Variants in GLIS1 observed in about 807,000 individuals in gnomAD.
GLIS1 encodes GLIS family zinc finger 1.
In GLIS1, 24 loss-of-function variants were observed where a neutral mutation model predicts 63.8. The observed-to-expected ratio is 0.38, with a 90% confidence interval of 0.27 to 0.53. The LOEUF is 0.53. Ranked by LOEUF, GLIS1 falls within the 20% of genes least tolerant of loss-of-function variation. The pLI, the probability that GLIS1 is intolerant of heterozygous loss-of-function variation, is 0.85. For missense variants in GLIS1, 1,036 were observed against 1,074.1 expected (o/e 0.96, Z 0.50); for synonymous variants, 450 against 482.5 (o/e 0.93, Z 0.88).
At position 53,636,744 on chromosome 1, in the gene GLIS1, C is replaced by T. The variant is rs146382497; in HGVS notation, c.260-36466G>A. On this transcript the variant is annotated intron_variant, in intron 2 of 10. Coordinates refer to ENST00000628545, the MANE Select transcript of GLIS1 (RefSeq NM_001367484.1). ...TCTTCAGTCTACCTGCTCCCTCACT[C>T]AGTCACTCGGCGACGCCTACTGGGC... Among the ~76,000 whole-genome samples, 18 of 152,352 alleles carry T rather than the reference C, an allele frequency of 1.2e-4. No individual in the cohort carries two copies. The East Asian group carries it at 3.3e-3, about 28-fold the overall frequency.
intron 2 of GLIS1, among the ~76,000 whole-genome samples, chr1:53,710,597 G>C (rs1226767755): frequency 2.0e-5 from 3 of 152,228 alleles, no homozygotes; most frequent in African/African-American, 7.2e-5. Context: ...ACTTCACAGG[G>C]AGGATGAGAA....
intron 2 of GLIS1, among the ~76,000 whole-genome samples, chr1:53,633,402 TGA>T (rs1390266732): frequency 2.0e-5 from 3 of 146,652 alleles, no homozygotes; most frequent in Admixed American, 6.8e-5. Context: ...TGAGTGTGAC[TGA>T]GGGGTGTGTG....
At chr1:53,508,274 C>T (rs1237915334) in intron 10 of GLIS1, among the ~76,000 whole-genome samples, 5 of 152,230 alleles carry the variant, frequency 3.3e-5, no homozygotes, top group African/African-American at 4.8e-5. Context: ...ACACCTGGCA[C>T]GGGCGCAGGT....
intron 2 of GLIS1, among the ~76,000 whole-genome samples, chr1:53,612,456 A>G (rs1468120294): frequency 1.3e-5 from 2 of 151,906 alleles, no homozygotes; most frequent in Non-Finnish European, 2.9e-5. Context: ...TAGCCAGAAT[A>G]GTCTCAATCT....
At chr1:53,733,579 C>T (rs900433519) in intron 2 of GLIS1, among the ~76,000 whole-genome samples, 3 of 152,158 alleles carry the variant, frequency 2.0e-5, no homozygotes, top group East Asian at 1.9e-4. Flanking sequence ...GAATTCTAGC[C>T]GCCCGAGATT....
intron 2 of GLIS1, among the ~76,000 whole-genome samples, chr1:53,641,983 A>C (rs1645792114): frequency 6.6e-6 from 1 of 152,170 alleles, no homozygotes; most frequent in Non-Finnish European, 1.5e-5. Context: ...TCTCCCTGAC[A>C]AGAGTGTCTG....
At chr1:53,563,052 G>GTAAGGA (rs1426491468) in intron 4 of GLIS1, among the ~76,000 whole-genome samples, 1 of 152,246 alleles carries the variant, frequency 6.6e-6, no homozygotes, top group African/African-American at 2.4e-5. Context: ...GTTATAGGAG[G>GTAAGGA]TAAGGACAAT....
At chr1:53,612,959 C>T (rs1358475580) in intron 2 of GLIS1, among the ~76,000 whole-genome samples, 1 of 152,092 alleles carries the variant, frequency 6.6e-6, no homozygotes, top group African/African-American at 2.4e-5. Flanking sequence ...GCTGGAACTA[C>T]AGGCACCCAC....
chr1:53,674,570 T>C (rs1646191922), intron 2 of GLIS1, among the ~76,000 whole-genome samples: 1 of 152,230 alleles, frequency 6.6e-6, no homozygotes. Flanking sequence ...GTTGCTGTTG[T>C]TGCTGAACAC....
intron 2 of GLIS1, among the ~76,000 whole-genome samples, chr1:53,613,416 G>A (rs1645446435): frequency 6.6e-6 from 1 of 152,112 alleles, no homozygotes; most frequent in Non-Finnish European, 1.5e-5. Context: ...CAGAGTCAAA[G>A]AATATGCAAA....
intron 4 of GLIS1, among the ~76,000 whole-genome samples, chr1:53,551,565 CCCTGGGGCTTAGAGT>C (rs1417450540): frequency 6.6e-6 from 1 of 152,272 alleles, no homozygotes; most frequent in African/African-American, 2.4e-5. Context: ...TTGCTTAGAG[CCCTGGGGCTTAGAGT>C]CCTGGGGAAC....
At chr1:53,691,696 G>A (rs1043387782) in intron 2 of GLIS1, among the ~76,000 whole-genome samples, 4 of 152,088 alleles carry the variant, frequency 2.6e-5, no homozygotes, top group South Asian at 4.1e-4. Context: ...GCCGAGCTTC[G>A]GATTTGCTAA....
chr1:53,700,973 A>G (rs942224306), intron 2 of GLIS1, among the ~76,000 whole-genome samples: 4 of 152,262 alleles, frequency 2.6e-5, no homozygotes, highest in Non-Finnish European at 4.4e-5. Context: ...ATGGCTGAAT[A>G]ATATTCCATT....
At chr1:53,532,928 C>T (rs1052693476) in intron 4 of GLIS1, among the ~76,000 whole-genome samples, 24 of 152,236 alleles carry the variant, frequency 1.6e-4, no homozygotes, top group African/African-American at 5.5e-4. Context: ...CTAATTCATA[C>T]GTTTTTCAAA....
At chr1:53,567,669 A>G (rs1173618558) in intron 4 of GLIS1, among the ~76,000 whole-genome samples, 2 of 152,216 alleles carry the variant, frequency 1.3e-5, no homozygotes, top group African/African-American at 4.8e-5. Flanking sequence ...GCTGCTTTGT[A>G]CAGCCTCAGG....
At chr1:53,579,379 C>A (rs546653380) in intron 4 of GLIS1, among the ~76,000 whole-genome samples, 3 of 152,352 alleles carry the variant, frequency 2.0e-5, no homozygotes, top group Admixed American at 6.5e-5. Flanking sequence ...GACATGAGGC[C>A]TTGCCAGGTG....
chr1:53,598,459 T>C lies in GLIS1; in HGVS notation c.437+1642A>G, dbSNP rs1389966363. On this transcript the variant is annotated intron_variant, in intron 3 of 10. Transcript: ENST00000628545. The surrounding 1 kb of genome is among the most constrained non-coding windows in gnomAD (Gnocchi z 4.6). ...CTGAGGTGGCAGGATCACTTGAGCC[T>C]GGGAGGTGGAGGCTGCAGCGAGCCA... Among the ~76,000 whole-genome samples, 2 of 151,738 alleles carry C rather than the reference T, an allele frequency of 1.3e-5. No homozygotes were observed. Among genetic ancestry groups the C allele is most frequent in the East Asian group, 3.9e-4 (2 of 5,140 alleles).
rs560353194 is a variant in GLIS1 at position 53,658,313 on chromosome 1, C to T, written c.260-58035G>A. Among the ~76,000 whole-genome samples, 9 of 152,298 alleles carry T rather than the reference C, an allele frequency of 5.9e-5. No homozygotes were observed. In the South Asian group the frequency reaches 1.9e-3, roughly 32 times the overall value. On this transcript the variant is annotated intron_variant, in intron 2 of 10. Coordinates refer to ENST00000628545, the MANE Select transcript of GLIS1 (RefSeq NM_001367484.1). Reference sequence around the variant, plus strand: ...CTTTATTATACACTAGTCTGGGAAGCAGCTTGAGGAAGGGACAGAGGCTCC... The same window carrying T: ...CTTTATTATACACTAGTCTGGGAAGTAGCTTGAGGAAGGGACAGAGGCTCC...
intron 2 of GLIS1, among the ~76,000 whole-genome samples, chr1:53,656,128 G>A (rs965089316): frequency 6.6e-6 from 1 of 152,176 alleles, no homozygotes; most frequent in Non-Finnish European, 1.5e-5. Context: ...CCCAGTGGAA[G>A]AGGAAAAGAG....
Sources: gnomAD v4.1 joint callset for allele counts (sites outside exome capture counted in the v4.1 genomes callset) on GRCh38, gnomAD v4.1.1 for gene constraint, Gnocchi (gnomAD v3.1) non-coding constraint, MANE v1.5 for transcripts, NCBI Gene and HGNC (gene_info 2026-07-23, HGNC 2026-07-21) for gene names.